PUM3: variants seen among roughly 807,000 people sequenced by gnomAD.
PUM3 encodes pumilio homolog 3.
A neutral mutation model predicts 84.0 loss-of-function variants in PUM3; 91 were observed. The observed-to-expected ratio is 1.08, with a 90% CI of 0.91 to 1.29. The LOEUF is 1.29. Ranked by LOEUF, PUM3 falls within the 50% of genes most tolerant of loss-of-function variation. The probability of loss-of-function intolerance (pLI) is 0.00; values close to 1 mark genes in which losing one functional copy is unlikely to be tolerated. For missense variants in PUM3, 1,067 were observed against 767.5 expected, an observed-to-expected ratio of 1.39 and a Z score of -4.61; for synonymous variants, 321 against 266.7, an observed-to-expected ratio of 1.20 and a Z score of -1.98.
In PUM3 at chr9:2,820,047, T is replaced by A; in HGVS notation, c.1240A>T (p.Thr414Ser). Reference sequence around the variant, plus strand: ...ATGATTATCTGCTTCACAAGCTTAGTATCATCAATACAATCAAATGCCGCC... The same window carrying A: ...ATGATTATCTGCTTCACAAGCTTAGAATCATCAATACAATCAAATGCCGCC... Reference protein sequence around the residue: ...LLAAFDCIDDTKLVKQIIISE... With the variant: ...LLAAFDCIDDSKLVKQIIISE... The change falls in exon 13 of 18, where the codon ACT (threonine) becomes TCT (serine). Residue 414 changes from threonine to serine, a missense_variant. Coordinates refer to ENST00000397885, the MANE Select transcript of PUM3 (RefSeq NM_014878.5). 1 of 1,612,082 alleles carries A rather than the reference T, an allele frequency of 6.2e-7. No individual in the cohort carries two copies. The highest frequency in any genetic ancestry group is 8.5e-7 in the Non-Finnish European group (1 of 1,178,394).
chr9:2,834,622 C>G (rs935448198), intron 3 of PUM3, among the ~76,000 whole-genome samples: 3 of 152,142 alleles, frequency 2.0e-5, no homozygotes, highest in Non-Finnish European at 2.9e-5. Flanking sequence ...TTTCTTACAA[C>G]AACTCGAAGA....
chr9:2,838,569 A>G, intron 1 of PUM3, 52 bp from the exon 2 acceptor site: 1 of 1,095,112 alleles, frequency 9.1e-7, no homozygotes, highest in Non-Finnish European at 1.4e-6. Flanking sequence ...CTCTTCATCA[A>G]ATAAGAGCTG....
At chr9:2,826,674 C>T (rs3858032) in intron 10 of PUM3, among the ~76,000 whole-genome samples, 97,710 of 151,998 alleles carry the variant, frequency 0.64, 31,962 homozygotes, top group African/African-American at 0.76. Flanking sequence ...TCATCGTCCA[C>T]TTAGTTTTAC....
At chr9:2,805,810 GA>G (rs1563823627) in intron 17 of PUM3, among the ~76,000 whole-genome samples, 2 of 151,612 alleles carry the variant, frequency 1.3e-5, no homozygotes, top group African/African-American at 4.9e-5. Flanking sequence ...TTACCACCAA[GA>G]AAATTAAGGC....
intron 16 of PUM3, among the ~76,000 whole-genome samples, chr9:2,808,403 C>A (rs1821303039): frequency 6.6e-6 from 1 of 152,188 alleles, no homozygotes. Context: ...TTTCTCTTTA[C>A]AACGCTTACA....
chr9:2,830,814 ACT>A, intron 7 of PUM3, 146 bp downstream of exon 7: 1 of 562,864 alleles, frequency 1.8e-6, no homozygotes, highest in Non-Finnish European at 3.2e-6. Context: ...TTAAGATGAT[ACT>A]CTCTAAAAAC....
chr9:2,810,367 T>G lies in PUM3; in HGVS notation c.1700A>C (p.Lys567Thr). 1 of 1,610,290 alleles carries G rather than the reference T, an allele frequency of 6.2e-7. No individual in the cohort carries two copies. The highest frequency in any genetic ancestry group is 8.5e-7 in the Non-Finnish European group (1 of 1,177,022). The stretch of plus-strand genomic sequence containing the variant: ...ACCTTCTCTCCCATTTTCTTTCATC[T>G]TTTTATCTTGCTCTATTAACCACTT... ...VLKWLIEQDK[K>T]MKENGREGCF... is the part of the protein sequence containing the mutation. The change falls in exon 16 of 18, where the codon AAG (lysine) becomes ACG (threonine). Residue 567 changes from lysine to threonine, a missense_variant. Transcript: ENST00000397885.
intron 13 of PUM3, among the ~76,000 whole-genome samples, chr9:2,819,227 C>A (rs1480294804): frequency 6.6e-6 from 1 of 152,128 alleles, no homozygotes; most frequent in Non-Finnish European, 1.5e-5. Flanking sequence ...AAAGAAAAGA[C>A]AATTGTAGAA....
chr9:2,839,348 C>G (rs1311683838), intron 1 of PUM3, among the ~76,000 whole-genome samples: 4 of 152,154 alleles, frequency 2.6e-5, no homozygotes, highest in Non-Finnish European at 4.4e-5. Flanking sequence ...TAGACAACAC[C>G]AGATATTTCT....
intron 13 of PUM3, among the ~76,000 whole-genome samples, chr9:2,815,137 G>C (rs771292359): frequency 6.6e-6 from 1 of 152,064 alleles, no homozygotes; most frequent in African/African-American, 2.4e-5. Context: ...ATCTAAATTC[G>C]TATTTAATTA....
chr9:2,811,699 T>C, intron 14 of PUM3, 116 bp from the exon 15 acceptor site: 1 of 678,768 alleles, frequency 1.5e-6, no homozygotes, highest in South Asian at 1.9e-5. Flanking sequence ...TCTATTATTA[T>C]TGTCTATCTT....
chr9:2,826,941 G>A, intron 10 of PUM3, 132 bp downstream of exon 10: 2 of 684,104 alleles, frequency 2.9e-6, no homozygotes, highest in Admixed American at 3.2e-5. Context: ...AGGGAGTTGA[G>A]TAAATTATCT....
intron 5 of PUM3, among the ~76,000 whole-genome samples, chr9:2,832,748 G>C (rs1456408886): frequency 1.3e-5 from 2 of 152,152 alleles, no homozygotes; most frequent in Non-Finnish European, 2.9e-5. Flanking sequence ...CATCTGGTTA[G>C]ACCTATGCAT....
chr9:2,833,265 G>T, intron 5 of PUM3, 92 bp downstream of exon 5: 1 of 588,282 alleles, frequency 1.7e-6, no homozygotes, highest in Non-Finnish European at 2.9e-6. Context: ...CGGAAACAAT[G>T]ATAAGATCAT....
intron 1 of PUM3, among the ~76,000 whole-genome samples, chr9:2,840,298 C>T (rs1202176250): frequency 6.6e-6 from 1 of 152,136 alleles, no homozygotes; most frequent in Non-Finnish European, 1.5e-5. Flanking sequence ...CAAGTCCAGC[C>T]CAAAGTCAGA....
rs1386562595 is a variant in PUM3, at chr9:2,834,053, G to A, written c.418C>T (p.Gln140Ter). ...TACCTTCTTAAAATCTCCCACATCTGCTTTGCCCGAACAACAATGTCATAG... is the reference window on the plus strand; with the variant it reads ...TACCTTCTTAAAATCTCCCACATCTACTTTGCCCGAACAACAATGTCATAG... ...TNYDIVVRAK[Q>*]MWEILRRKDC... Residue 140 changes from glutamine to a stop codon, truncating the protein, a stop_gained, in exon 4 of 18, where the codon CAG becomes TAG. Transcript: ENST00000397885. LOFTEE classifies it high-confidence loss of function. 5.6e-6 allele frequency: 9 copies of A among 1,613,400 alleles called. No homozygotes were observed. The South Asian group carries it at 8.8e-5, about 16-fold the overall frequency.
chr9:2,843,121 T>C (rs1202585672), intron 1 of PUM3, among the ~76,000 whole-genome samples: 1 of 152,204 alleles, frequency 6.6e-6, no homozygotes, highest in East Asian at 1.9e-4. Context: ...TCTTCAATGT[T>C]TTCTACACAT....
intron 13 of PUM3, among the ~76,000 whole-genome samples, chr9:2,815,575 G>T (rs891972320): frequency 6.6e-6 from 1 of 152,206 alleles, no homozygotes; most frequent in Non-Finnish European, 1.5e-5. Flanking sequence ...AAAAGGAAAT[G>T]ATACACCTGC....
chr9:2,832,758 T>G (rs1816018978), intron 5 of PUM3, among the ~76,000 whole-genome samples: 1 of 152,204 alleles, frequency 6.6e-6, no homozygotes, highest in Non-Finnish European at 1.5e-5. Flanking sequence ...GACCTATGCA[T>G]CTGACTTGAC....
Sources: allele counts gnomAD v4.1 joint callset (sites outside exome capture counted in the v4.1 genomes callset), GRCh38; gene constraint gnomAD v4.1.1; transcripts MANE v1.5; gene names NCBI Gene and HGNC (gene_info 2026-07-23, HGNC 2026-07-21).